ANP32A: variants seen among roughly 807,000 people sequenced by gnomAD.
ANP32A encodes acidic nuclear phosphoprotein 32 family member A.
Under a neutral mutation model 33.9 loss-of-function variants are expected in ANP32A, and 1 was observed. That is an observed-to-expected ratio of 0.03 (90% CI 0.01 to 0.14). The LOEUF is 0.14. Ranked by LOEUF, ANP32A falls within the 10% of genes least tolerant of loss-of-function variation. The pLI, the probability that ANP32A is intolerant of heterozygous loss-of-function variation, is 1.00. For missense variants in ANP32A, 155 were observed against 306.0 expected (o/e 0.51, Z 3.68); for synonymous variants, 115 against 120.5 (o/e 0.95, Z 0.30).
chr15:68,801,351 G>T (rs1200647883), intron 1 of ANP32A, among the ~76,000 whole-genome samples: 5 of 151,964 alleles, frequency 3.3e-5, no homozygotes, highest in African/African-American at 1.2e-4. Flanking sequence ...AGAATGTTTT[G>T]ATTATGGGGG....
intron 1 of ANP32A, among the ~76,000 whole-genome samples, chr15:68,805,184 G>A (rs1302948733): frequency 6.6e-6 from 1 of 152,180 alleles, no homozygotes; most frequent in East Asian, 1.9e-4. Flanking sequence ...GGTCCAGATG[G>A]AATCCAGAAA....
chr15:68,781,804 A>G (rs1893871584), intron 5 of ANP32A, among the ~76,000 whole-genome samples: 1 of 152,102 alleles, frequency 6.6e-6, no homozygotes, highest in Non-Finnish European at 1.5e-5. Context: ...GAGTCTCGCC[A>G]TGTTGCCTAG....
chr15:68,784,286 AGCT>A, intron 4 of ANP32A, 108 bp downstream of exon 4: 1 of 1,250,886 alleles, frequency 8.0e-7, no homozygotes, highest in Non-Finnish European at 1.1e-6. Context: ...AGCCTTCAGT[AGCT>A]GGGTGGGGGC....
At chr15:68,819,865 C>T (rs546661292) in intron 1 of ANP32A, among the ~76,000 whole-genome samples, 2 of 152,156 alleles carry the variant, frequency 1.3e-5, no homozygotes, top group Admixed American at 6.5e-5. Context: ...AATTTATCCT[C>T]CCTTCGGAAG....
intron 4 of ANP32A, chr15:68,784,122 G>A (rs1893903623): frequency 1.9e-6 from 1 of 526,262 alleles, no homozygotes; most frequent in African/African-American, 1.9e-5. Context: ...TATGCAGTTG[G>A]AGAATCTCAG....
chr15:68,782,836 C>T (rs1893886269), intron 5 of ANP32A, 120 bp downstream of exon 5: 1 of 1,479,630 alleles, frequency 6.8e-7, no homozygotes. Flanking sequence ...CACTTCACTA[C>T]CCATCGGGGA....
At position 68,780,274 on chromosome 15, in the gene ANP32A, G is replaced by C; in HGVS notation, c.689-132C>G. ...CCTTGGAAACCGAGGCAAGACATCT[G>C]CACAGCTGGAAGGGGAATCTGAGGC... On this transcript the variant is annotated intron_variant, in intron 6 of 6. Coordinates refer to ENST00000465139, the MANE Select transcript of ANP32A (RefSeq NM_006305.4). The surrounding 1 kb of genome is among the most constrained non-coding windows in gnomAD (Gnocchi z 4.3). 1 of 1,562,608 alleles carries C rather than the reference G, an allele frequency of 6.4e-7. No homozygotes were observed. The highest frequency in any genetic ancestry group is 8.7e-7 in the Non-Finnish European group (1 of 1,153,296).
intron 4 of ANP32A, among the ~76,000 whole-genome samples, chr15:68,783,429 C>T (rs1009363392): frequency 1.5e-4 from 23 of 152,254 alleles, no homozygotes; most frequent in African/African-American, 5.3e-4. Flanking sequence ...AGAGAACTGA[C>T]TTGTTCAAGG....
At chr15:68,815,270 T>C (rs1285677010) in intron 1 of ANP32A, among the ~76,000 whole-genome samples, 3 of 152,204 alleles carry the variant, frequency 2.0e-5, no homozygotes, top group Admixed American at 2.0e-4. Flanking sequence ...AGCAAACCTC[T>C]TCTGCAAAGG....
chr15:68,817,956 C>G (rs1455645727), intron 1 of ANP32A, among the ~76,000 whole-genome samples: 1 of 152,244 alleles, frequency 6.6e-6, no homozygotes, highest in African/African-American at 2.4e-5. Context: ...CACAGGCGCG[C>G]AGGGCCCTGG....
At position 68,780,240 on chromosome 15, in the gene ANP32A, C is replaced by A. The variant is rs1402049497; in HGVS notation, c.689-98G>T. ...AGTCAGGGGACCCATGACTAGCAAG[C>A]TGTGCCATCCTTGGAAACCGAGGCA... On this transcript the variant is annotated intron_variant, in intron 6 of 6. Transcript: ENST00000465139. This position sits in a 1 kb window ranked among gnomAD's most constrained non-coding sequence, Gnocchi z 4.3. The A allele has an allele frequency of 3.2e-6, 5 of 1,567,894 alleles. No homozygotes were observed. The African/African-American group carries it at 6.8e-5, about 21-fold the overall frequency.
In ANP32A at chr15:68,780,400, G is replaced by T. The variant is rs1438697320; in HGVS notation, c.688+10C>A. On this transcript the variant is annotated intron_variant, in intron 6 of 6. Transcript: ENST00000465139. The surrounding 1 kb of genome is among the most constrained non-coding windows in gnomAD (Gnocchi z 4.3). The stretch of plus-strand genomic sequence containing the variant: ...GCTGCTACCAGCTGAGAGTAAAAAG[G>T]CTGCCATACCACCAAGCTCTTCTTC... 6.2e-7 allele frequency: 1 copy of T among 1,613,956 alleles called. No homozygotes were observed. Among genetic ancestry groups the T allele is most frequent in the Non-Finnish European group, 8.5e-7 (1 of 1,179,896 alleles).
At chr15:68,795,312 G>T (rs951653508) in intron 1 of ANP32A, among the ~76,000 whole-genome samples, 3 of 152,164 alleles carry the variant, frequency 2.0e-5, no homozygotes, top group Non-Finnish European at 2.9e-5. Flanking sequence ...CCACGTCTCT[G>T]ATTTTTTTTG....
In ANP32A at chr15:68,784,413, CTCA is replaced by C. The variant is rs1428702810; in HGVS notation, c.507_509del (p.Asp169del). On this transcript the variant is annotated inframe_deletion, in exon 4 of 7. Transcript: ENST00000465139. Reference sequence around the variant, plus strand: ...GTCACCCACCATCCTCATCCTCCTCCTCATCATCCAGGCCCTCCACGTAGCCCT... The same window carrying C: ...GTCACCCACCATCCTCATCCTCCTCCTCATCCAGGCCCTCCACGTAGCCCT... The C allele has an allele frequency of 6.2e-7, 1 of 1,614,078 alleles. No individual in the cohort carries two copies.
At position 68,786,053 on chromosome 15, in the gene ANP32A, A is replaced by T. The variant is rs541218453; in HGVS notation, c.327+1360T>A. On this transcript the variant is annotated intron_variant, in intron 3 of 6. Transcript: ENST00000465139. ...AGAAATGCCAGTGTCCTCTTCTGCC[A>T]CACTGGCCACCAGCAAGTCCCGTGA... is the stretch of plus-strand genomic sequence containing the variant. 2.2e-4 allele frequency among the ~76,000 whole-genome samples: 33 copies of T among 152,282 alleles called. 1 individual carries two copies. The Middle Eastern group carries it at 0.01, about 47-fold the overall frequency.
intron 1 of ANP32A, among the ~76,000 whole-genome samples, chr15:68,805,013 G>A (rs146865702): frequency 6.6e-6 from 1 of 152,300 alleles, no homozygotes; most frequent in East Asian, 1.9e-4. Flanking sequence ...TGGGAGAGGT[G>A]GGGTCTGCTG....
chr15:68,818,386 T>G (rs1894418960), intron 1 of ANP32A: 1 of 167,888 alleles, frequency 6.0e-6, no homozygotes, highest in African/African-American at 2.4e-5. Context: ...CGGGAGCCAT[T>G]TGTCTTAAGA....
intron 1 of ANP32A, among the ~76,000 whole-genome samples, chr15:68,811,803 C>T (rs114331741): frequency 0.04 from 6,036 of 152,206 alleles, 172 homozygotes; most frequent in East Asian, 0.15. Flanking sequence ...GGCACGATAT[C>T]GGCTCACACT....
At chr15:68,789,032 G>T (rs771975784) in intron 1 of ANP32A, among the ~76,000 whole-genome samples, 21 of 152,216 alleles carry the variant, frequency 1.4e-4, no homozygotes, top group Non-Finnish European at 2.8e-4. Context: ...GACCCTGGGA[G>T]TAAGCAAAGG....
Sources: allele counts gnomAD v4.1 joint callset (sites outside exome capture counted in the v4.1 genomes callset), GRCh38; gene constraint gnomAD v4.1.1; non-coding constraint Gnocchi (gnomAD v3.1); transcripts MANE v1.5; gene names NCBI Gene and HGNC (gene_info 2026-07-23, HGNC 2026-07-21).